Variants in ACSS3 observed in about 807,000 individuals in gnomAD.
ACSS3 encodes acyl-CoA synthetase short chain family member 3.
A neutral mutation model predicts 84.2 loss-of-function variants in ACSS3; 64 were observed. The observed-to-expected ratio is 0.76, with a 90% CI of 0.62 to 0.94. ACSS3 has a LOEUF of 0.94. ACSS3 is among the 40% of genes least tolerant of loss of function. ACSS3 has a pLI of 0.00. For missense variants in ACSS3, 815 were observed against 867.6 expected, an observed-to-expected ratio of 0.94 and a Z score of 0.76; for synonymous variants, 317 against 310.1, an observed-to-expected ratio of 1.02 and a Z score of -0.23.
intron 1 of ACSS3, among the ~76,000 whole-genome samples, chr12:81,096,588 A>G (rs1392756633): frequency 6.6e-6 from 1 of 152,144 alleles, no homozygotes; most frequent in Non-Finnish European, 1.5e-5. Context: ...GGTCATCTAC[A>G]TTAGGTATTT....
Position 81,225,066 on chromosome 12 carries a change from T to C in ACSS3, c.1514+4990T>C, listed in dbSNP as rs140545613. ...AGCTATGTATGTATAGGAAAAACCT[T>C]ATTATATGTAGGGTTCAGTACTACC... On this transcript the variant is annotated intron_variant, in intron 11 of 15. Transcript: ENST00000548058. Among the ~76,000 whole-genome samples the C allele has an allele frequency of 2.7e-3, 403 of 151,946 alleles. 4 individuals carry two copies. The highest frequency in any genetic ancestry group is 9.2e-3 in the African/African-American group (381 of 41,492).
At chr12:81,163,534 T>C (rs1228196780) in intron 7 of ACSS3, among the ~76,000 whole-genome samples, 1 of 152,218 alleles carries the variant, frequency 6.6e-6, no homozygotes. Flanking sequence ...TTTTAGAGCG[T>C]ACTCCTACAT....
chr12:81,246,898 T>G (rs2034000739), intron 13 of ACSS3, among the ~76,000 whole-genome samples: 1 of 152,148 alleles, frequency 6.6e-6, no homozygotes, highest in South Asian at 2.1e-4. Context: ...TGAGTTTATT[T>G]CTATAGCAAA....
At chr12:81,249,234 A>G (rs1434639080) in intron 13 of ACSS3, among the ~76,000 whole-genome samples, 4 of 152,198 alleles carry the variant, frequency 2.6e-5, no homozygotes, top group Admixed American at 6.5e-5. Flanking sequence ...GCAGAAGCTA[A>G]TATGATTGTT....
intron 8 of ACSS3, among the ~76,000 whole-genome samples, chr12:81,197,035 T>A (rs2031871254): frequency 6.6e-6 from 1 of 152,178 alleles, no homozygotes; most frequent in African/African-American, 2.4e-5. Flanking sequence ...TCTGTGAATA[T>A]CTTTATATTA....
chr12:81,207,951 T>C (rs1341910339), intron 9 of ACSS3, among the ~76,000 whole-genome samples: 1 of 152,130 alleles, frequency 6.6e-6, no homozygotes, highest in Non-Finnish European at 1.5e-5. Context: ...AATGGTCTTC[T>C]TCCTATACAA....
chr12:81,080,954 A>G (rs544478584), intron 1 of ACSS3, among the ~76,000 whole-genome samples: 1 of 152,198 alleles, frequency 6.6e-6, no homozygotes, highest in East Asian at 1.9e-4. Flanking sequence ...GAAGGGAGAT[A>G]TTGACAGCCA....
chr12:81,132,327 G>A (rs1370341137), intron 2 of ACSS3, among the ~76,000 whole-genome samples: 1 of 151,932 alleles, frequency 6.6e-6, no homozygotes, highest in Non-Finnish European at 1.5e-5. Flanking sequence ...GTGTTTTCAG[G>A]GACTCAAATT....
At position 81,217,005 on chromosome 12, in the gene ACSS3, T is replaced by A. The variant is rs2032943553; in HGVS notation, c.1450+9T>A. The stretch of plus-strand genomic sequence containing the variant: ...CGTCCCAGGATACAATGGTAAGGAA[T>A]GACCCTGATAATACGTAAAGTTAAT... On this transcript the variant is annotated intron_variant, in intron 10 of 15. Transcript: ENST00000548058. 1.9e-6 allele frequency: 3 copies of A among 1,599,406 alleles called. No individual in the cohort carries two copies. The highest frequency in any genetic ancestry group is 2.6e-6 in the Non-Finnish European group (3 of 1,167,722).
intron 11 of ACSS3, among the ~76,000 whole-genome samples, chr12:81,224,064 G>A (rs1406632690): frequency 6.6e-6 from 1 of 151,948 alleles, no homozygotes; most frequent in African/African-American, 2.4e-5. Context: ...TTTTAGGAAA[G>A]GGAATTCTCT....
intron 2 of ACSS3, among the ~76,000 whole-genome samples, chr12:81,117,418 A>G (rs1037566319): frequency 6.6e-6 from 1 of 152,178 alleles, no homozygotes; most frequent in Non-Finnish European, 1.5e-5. Context: ...TAGGCTTGTC[A>G]GGGAAAGTAC....
At chr12:81,206,028 T>G (rs1461264510) in intron 9 of ACSS3, among the ~76,000 whole-genome samples, 1 of 152,104 alleles carries the variant, frequency 6.6e-6, no homozygotes, top group Admixed American at 6.6e-5. Context: ...GGACTCCATC[T>G]TGATTTAAAA....
intron 8 of ACSS3, among the ~76,000 whole-genome samples, chr12:81,179,641 G>T (rs1009745213): frequency 6.6e-6 from 1 of 151,878 alleles, no homozygotes; most frequent in Admixed American, 6.6e-5. Context: ...GTGGTGGTGG[G>T]TGCCTGTAAT....
At chr12:81,125,394 C>T (rs1169025088) in intron 2 of ACSS3, among the ~76,000 whole-genome samples, 1 of 152,092 alleles carries the variant, frequency 6.6e-6, no homozygotes, top group Non-Finnish European at 1.5e-5. Flanking sequence ...GTAATTAATG[C>T]TTTCTTCTTA....
At chr12:81,156,299 A>C (rs1295233954) in intron 7 of ACSS3, among the ~76,000 whole-genome samples, 1 of 151,882 alleles carries the variant, frequency 6.6e-6, no homozygotes, top group East Asian at 1.9e-4. Context: ...TGGAGGACAC[A>C]ACTAAGGCAG....
chr12:81,166,914 G>A (rs967020352), intron 7 of ACSS3, among the ~76,000 whole-genome samples: 1 of 152,202 alleles, frequency 6.6e-6, no homozygotes, highest in Non-Finnish European at 1.5e-5. Context: ...TCTGCTTGCA[G>A]CAAAGTCTCA....
At chr12:81,225,697 C>A (rs954871691) in intron 11 of ACSS3, among the ~76,000 whole-genome samples, 3 of 151,902 alleles carry the variant, frequency 2.0e-5, no homozygotes, top group African/African-American at 7.2e-5. Flanking sequence ...TACTAAATTT[C>A]TTTTTCTTGT....
rs1306106147 is a variant in ACSS3, at chr12:81,213,930, TTC to T, written c.1355-2970_1355-2969del. ...CTTCCTTCCTTCCTTCCTTCCTTCC[TTC>T]CTTTCTCTCTCTCTCTCCCTCTCTC... On this transcript the variant is annotated intron_variant, in intron 9 of 15. Transcript: ENST00000548058. 2.2e-4 allele frequency among the ~76,000 whole-genome samples: 21 copies of T among 96,264 alleles called. 1 individual carries two copies. The highest frequency in any genetic ancestry group is 7.2e-4 in the African/African-American group (16 of 22,366). The allele number at this position is 96,264 out of a possible 152,430, so 63.2% of individuals were successfully genotyped here.
At chr12:81,240,112 A>G (rs2033748181) in intron 13 of ACSS3, among the ~76,000 whole-genome samples, 1 of 151,914 alleles carries the variant, frequency 6.6e-6, no homozygotes, top group South Asian at 2.1e-4. Context: ...GTTGAACTGA[A>G]CTATGTCCTT....
Sources: allele counts gnomAD v4.1 joint callset (sites outside exome capture counted in the v4.1 genomes callset), GRCh38; gene constraint gnomAD v4.1.1; transcripts MANE v1.5; gene names NCBI Gene and HGNC (gene_info 2026-07-23, HGNC 2026-07-21).